The following GLRX5 variants were observed in gnomAD, a reference collection of about 807,000 sequenced individuals.
GLRX5 encodes the protein glutaredoxin-related protein 5, mitochondrial.
Under a neutral mutation model 13.8 loss-of-function variants are expected in GLRX5, and 10 were observed. That is an observed-to-expected ratio of 0.72 (90% CI 0.45 to 1.23). The LOEUF (loss-of-function observed/expected upper bound fraction) is 1.23, where lower values mean the gene tolerates loss of function less well. GLRX5 is among the 50% of genes most tolerant of loss of function. GLRX5 has a pLI of 0.00. For synonymous variants in GLRX5, 98 were observed against 101.1 expected (o/e 0.97, Z 0.18); for missense variants, 233 against 215.2 (o/e 1.08, Z -0.52).
chr14:95,543,242 TC>T (rs1891501810), intron 1 of GLRX5: 2 of 454,014 alleles, frequency 4.4e-6, no homozygotes, highest in African/African-American at 4.0e-5. Flanking sequence ...CATCATCCAC[TC>T]CACAGAGAGC....
In GLRX5 at chr14:95,543,941, C is replaced by A. The variant is rs766207491; in HGVS notation, c.296-6C>A. 6.2e-7 allele frequency: 1 copy of A among 1,608,692 alleles called. No homozygotes were observed. On this transcript the variant is annotated splice_polypyrimidine_tract_variant and splice_region_variant and intron_variant, in intron 1 of 1. Coordinates refer to ENST00000331334, the MANE Select transcript of GLRX5 (RefSeq NM_016417.3). ...TAAATAACAAATAAATGTTCTTTCT[C>A]CATAGGCATTAAAGACTATTCCAAC...
chr14:95,535,517 C>T (rs2139647021), intron 1 of GLRX5, 133 bp downstream of exon 1: 2 of 842,028 alleles, frequency 2.4e-6, no homozygotes, highest in South Asian at 3.2e-5. Context: ...AGGTTCGAGC[C>T]GGGTTAGGGC....
At chr14:95,539,312 A>G (rs913973026) in intron 1 of GLRX5, among the ~76,000 whole-genome samples, 1 of 152,228 alleles carries the variant, frequency 6.6e-6, no homozygotes, top group Non-Finnish European at 1.5e-5. Flanking sequence ...ATGGCTTGCA[A>G]TAATGAAAAA....
intron 1 of GLRX5, among the ~76,000 whole-genome samples, chr14:95,542,081 G>A (rs1298282130): frequency 6.6e-6 from 1 of 152,160 alleles, no homozygotes; most frequent in Non-Finnish European, 1.5e-5. Flanking sequence ...CATCATAAAG[G>A]TAAAAGTTTT....
chr14:95,542,833 A>G (rs1891493111), intron 1 of GLRX5: 1 of 339,506 alleles, frequency 2.9e-6, no homozygotes, highest in Non-Finnish European at 5.9e-6. Flanking sequence ...AGGCTTTTTA[A>G]TGGCCGACTA....
intron 1 of GLRX5, among the ~76,000 whole-genome samples, chr14:95,540,562 G>A (rs1207136848): frequency 6.6e-6 from 1 of 152,202 alleles, no homozygotes; most frequent in Non-Finnish European, 1.5e-5. Flanking sequence ...TTTTCCTCTA[G>A]TGAGGGTCTA....
rs1397417191 is a variant in GLRX5 at position 95,535,101 on chromosome 14, C to T, written c.12C>T (p.Ser4=). Residue 4 remains serine (S), a synonymous_variant, in exon 1 of 2, where the codon TCC becomes TCT. Coordinates refer to ENST00000331334, the MANE Select transcript of GLRX5 (RefSeq NM_016417.3). The part of the protein sequence containing the change: MSG[S]LGRAAAALLR... Reference sequence around the variant, plus strand: ...GCTTGCGTGCGGAGATGAGCGGGTCCCTCGGCCGAGCTGCGGCGGCTCTGC... The same window carrying T: ...GCTTGCGTGCGGAGATGAGCGGGTCTCTCGGCCGAGCTGCGGCGGCTCTGC... 1.7e-5 allele frequency: 22 copies of T among 1,316,946 alleles called. No homozygotes were observed. The highest frequency in any genetic ancestry group is 2.1e-5 in the Non-Finnish European group (21 of 1,020,240). The allele number at this position is 1,316,946 out of a possible 1,614,324, so 81.6% of individuals were successfully genotyped here.
chr14:95,537,231 C>T (rs1891396632), intron 1 of GLRX5, among the ~76,000 whole-genome samples: 1 of 152,116 alleles, frequency 6.6e-6, no homozygotes, highest in African/African-American at 2.4e-5. Context: ...AGCTAGTAAA[C>T]GGAAAATAGG....
At chr14:95,543,148 C>A (rs977175745) in intron 1 of GLRX5, 4 of 455,796 alleles carry the variant, frequency 8.8e-6, no homozygotes, top group African/African-American at 2.0e-5. Context: ...CTCACTCCCC[C>A]ACCCCTCAGC....
Position 95,537,319 on chromosome 14 carries a change from T to G in GLRX5, c.295+1935T>G, listed in dbSNP as rs531945392. 5.3e-5 allele frequency among the ~76,000 whole-genome samples: 8 copies of G among 152,378 alleles called. No individual in the cohort carries two copies. The East Asian group carries it at 1.3e-3, about 26-fold the overall frequency. On this transcript the variant is annotated intron_variant, in intron 1 of 1. Coordinates refer to ENST00000331334, the MANE Select transcript of GLRX5 (RefSeq NM_016417.3). Reference sequence around the variant, plus strand: ...ACGTCTGGTGTCTGGTTTCTGAGCTTACTTTCTTAAGTTTTCAAACAGCAG... The same window carrying G: ...ACGTCTGGTGTCTGGTTTCTGAGCTGACTTTCTTAAGTTTTCAAACAGCAG...
In GLRX5 at chr14:95,542,648, G is replaced by A. The variant is rs192717293; in HGVS notation, c.296-1299G>A. Reference sequence around the variant, plus strand: ...TTTTTAGTTTGTTTACATAAAAATCGATTTGTGTAAACTGTACTGGACTTG... The same window carrying A: ...TTTTTAGTTTGTTTACATAAAAATCAATTTGTGTAAACTGTACTGGACTTG... On this transcript the variant is annotated intron_variant, in intron 1 of 1. Transcript: ENST00000331334. Among the ~76,000 whole-genome samples, 14 of 152,262 alleles carry A rather than the reference G, an allele frequency of 9.2e-5. No homozygotes were observed. In the East Asian group the frequency reaches 1.4e-3, roughly 15 times the overall value.
At chr14:95,537,894 C>T (rs1053168907) in intron 1 of GLRX5, among the ~76,000 whole-genome samples, 3 of 152,218 alleles carry the variant, frequency 2.0e-5, no homozygotes, top group African/African-American at 7.2e-5. Flanking sequence ...TTGTCCTTCT[C>T]TTTTTATCTG....
At chr14:95,535,793 A>T (rs963585799) in intron 1 of GLRX5, among the ~76,000 whole-genome samples, 1 of 152,088 alleles carries the variant, frequency 6.6e-6, no homozygotes, top group African/African-American at 2.4e-5. Flanking sequence ...TTTCGCGGAC[A>T]CTTTGGGGAG....
Position 95,535,234 on chromosome 14 carries a change from G to C in GLRX5, c.145G>C (p.Val49Leu). ...CTCGGCGGAGCAGTTGGACGCGCTG[G>C]TGAAGAAGGACAAGGTGGTGGTCTT... ...GGSAEQLDAL[V>L]KKDKVVVFLK... Residue 49 changes from valine to leucine, a missense_variant, in exon 1 of 2, where the codon GTG becomes CTG. Val to Leu is a conservative substitution (Grantham distance 32, BLOSUM62 1). Coordinates refer to ENST00000331334, the MANE Select transcript of GLRX5 (RefSeq NM_016417.3). 6.4e-7 allele frequency: 1 copy of C among 1,563,072 alleles called. No homozygotes were observed. Among genetic ancestry groups the C allele is most frequent in the South Asian group, 1.2e-5 (1 of 84,922 alleles).
chr14:95,539,897 A>ATT (rs35206535), intron 1 of GLRX5, among the ~76,000 whole-genome samples: 17 of 146,128 alleles, frequency 1.2e-4, no homozygotes, highest in African/African-American at 3.4e-4. Context: ...ATATATATAT[A>ATT]TTTTTTTTTT....
At chr14:95,539,482 A>T (rs941497421) in intron 1 of GLRX5, among the ~76,000 whole-genome samples, 6 of 152,246 alleles carry the variant, frequency 3.9e-5, no homozygotes, top group Non-Finnish European at 7.3e-5. Context: ...CAAGTTGCAA[A>T]CACGTAATTA....
rs777169491 is a variant in GLRX5, at chr14:95,544,153, A to T, written c.*28A>T. On this transcript the variant is annotated 3_prime_UTR_variant, in exon 2 of 2. Transcript: ENST00000331334. ...GCGGCCAAGTCCTCGCTGAGCAGAG[A>T]GGGAGCCGTTCATGTCAGAGACTCA... The T allele has an allele frequency of 2.5e-6, 4 of 1,602,780 alleles. No homozygotes were observed. Among genetic ancestry groups the T allele is most frequent in the African/African-American group, 1.3e-5 (1 of 74,780 alleles).
intron 1 of GLRX5, among the ~76,000 whole-genome samples, chr14:95,537,825 A>G (rs987379466): frequency 1.3e-5 from 2 of 152,226 alleles, no homozygotes; most frequent in South Asian, 4.1e-4. Context: ...TGAGACTGTG[A>G]CCCAAGGAAC....
rs1353719946 is a variant in GLRX5 at position 95,535,157 on chromosome 14, G to A, written c.68G>A (p.Gly23Asp). The A allele has an allele frequency of 4.6e-6, 6 of 1,316,142 alleles. No individual in the cohort carries two copies. The highest frequency in any genetic ancestry group is 2.2e-5 in the South Asian group (1 of 45,776). 81.5% of individuals were successfully genotyped at this position (1,316,142 alleles called of 1,614,324 possible). The change falls in exon 1 of 2, where the codon GGC (glycine) becomes GAC (aspartate). Residue 23 changes from glycine (G) to aspartate (D), a missense_variant. Physicochemically the swap from Gly to Asp is moderately conservative, Grantham distance 94. Transcript: ENST00000331334. ...LRWGRGAGGG[G>D]LWGPGVRAAG... ...TGGGGGCGCGGCGCGGGCGGCGGTG[G>A]CCTTTGGGGTCCGGGCGTGCGGGCG...
Sources: gnomAD v4.1 joint callset for allele counts (sites outside exome capture counted in the v4.1 genomes callset) on GRCh38, gnomAD v4.1.1 for gene constraint, MANE v1.5 for transcripts, NCBI Gene and HGNC (gene_info 2026-07-23, HGNC 2026-07-21) for gene names.